Variants in PLA2G4A observed in about 807,000 individuals in gnomAD.
PLA2G4A encodes the protein phospholipase A2 group IVA.
PLA2G4A carries 40 observed loss-of-function variants against 81.9 expected under a neutral mutation model. The observed-to-expected ratio is 0.49, with a 90% CI of 0.38 to 0.64. The LOEUF is 0.64. Among genes scored for constraint, PLA2G4A ranks in the 30% least tolerant of loss-of-function variants. The pLI, the probability that PLA2G4A is intolerant of heterozygous loss-of-function variation, is 0.00. For synonymous variants in PLA2G4A, 302 were observed against 296.9 expected (o/e 1.02, Z -0.18); for missense variants, 715 against 905.1 (o/e 0.79, Z 2.69).
intron 7 of PLA2G4A, among the ~76,000 whole-genome samples, chr1:186,922,757 A>G (rs995064877): frequency 2.6e-5 from 4 of 152,210 alleles, no homozygotes; most frequent in African/African-American, 9.7e-5. Context: ...AGCATCGGCA[A>G]GACTCCTGTC....
chr1:186,892,701 A>G (rs1654188221), intron 3 of PLA2G4A, among the ~76,000 whole-genome samples: 1 of 152,184 alleles, frequency 6.6e-6, no homozygotes, highest in Admixed American at 6.5e-5. Context: ...TGACATTGTT[A>G]TCATCCTGTA....
chr1:186,967,291 A>G (rs57771974), intron 15 of PLA2G4A, among the ~76,000 whole-genome samples: 1 of 150,446 alleles, frequency 6.6e-6, no homozygotes, highest in African/African-American at 2.4e-5. Flanking sequence ...ACAAGTATCA[A>G]TGAGATAAAA....
chr1:186,912,789 T>C (rs1371350199), intron 7 of PLA2G4A, among the ~76,000 whole-genome samples: 1 of 141,520 alleles, frequency 7.1e-6, no homozygotes, highest in Non-Finnish European at 1.5e-5. Context: ...TATACTTATA[T>C]ATATATGTAT....
intron 1 of PLA2G4A, among the ~76,000 whole-genome samples, chr1:186,851,072 C>T (rs1380858518): frequency 6.6e-5 from 10 of 151,958 alleles, no homozygotes; most frequent in Non-Finnish European, 1.3e-4. Context: ...ACATTACAAG[C>T]AAGTAACCTG....
At chr1:186,939,925 CT>C in intron 9 of PLA2G4A, 54 bp from the exon 10 acceptor site, 1 of 834,076 alleles carries the variant, frequency 1.2e-6, no homozygotes, top group East Asian at 2.4e-5. Context: ...GAATAGCATT[CT>C]TTCTGTGTCT....
In PLA2G4A at chr1:186,940,082, C is replaced by T; in HGVS notation, c.1021C>T (p.Leu341=). 6.4e-7 allele frequency: 1 copy of T among 1,571,238 alleles called. No homozygotes were observed. Among genetic ancestry groups the T allele is most frequent in the Non-Finnish European group, 8.8e-7 (1 of 1,141,002 alleles). ...CLHVKPDVSE[L]MFADWVEFSP... ...TCATGTCAAACCTGACGTTTCAGAG[C>T]TGATGTTTGCAGGTATGCTGTTTCC... Residue 341 remains leucine, a synonymous_variant, in exon 10 of 18, where the codon CTG becomes TTG. Coordinates refer to ENST00000367466, the MANE Select transcript of PLA2G4A (RefSeq NM_024420.3).
At chr1:186,830,975 TTTCTTTCTTTC>T (rs1651553641) in intron 1 of PLA2G4A, among the ~76,000 whole-genome samples, 1 of 131,576 alleles carries the variant, frequency 7.6e-6, no homozygotes. Flanking sequence ...TCTTTCTTTC[TTTCTTTCTTTC>T]TTTCTTTCTT....
intron 15 of PLA2G4A, among the ~76,000 whole-genome samples, chr1:186,968,922 G>T (rs547705019): frequency 6.6e-6 from 1 of 150,504 alleles, no homozygotes; most frequent in African/African-American, 2.4e-5. Context: ...TATACAATAT[G>T]ATGGGGATAA....
chr1:186,903,600 C>T (rs1195823990), intron 5 of PLA2G4A, among the ~76,000 whole-genome samples: 14 of 152,132 alleles, frequency 9.2e-5, no homozygotes, highest in Admixed American at 9.2e-4. Context: ...TACATTCTCA[C>T]AGGAGCATGA....
intron 1 of PLA2G4A, among the ~76,000 whole-genome samples, chr1:186,842,692 C>T (rs899447997): frequency 6.6e-6 from 1 of 152,122 alleles, no homozygotes; most frequent in Non-Finnish European, 1.5e-5. Context: ...CATGTGAGGA[C>T]ACAGCGAAAA....
At chr1:186,909,937 A>T (rs759228310) in intron 6 of PLA2G4A, among the ~76,000 whole-genome samples, 1 of 152,152 alleles carries the variant, frequency 6.6e-6, no homozygotes, top group Non-Finnish European at 1.5e-5. Flanking sequence ...ATTGCTTTTT[A>T]ACAAACTTAT....
intron 7 of PLA2G4A, among the ~76,000 whole-genome samples, chr1:186,920,556 A>G (rs9804084): frequency 0.56 from 85,900 of 152,166 alleles, 25,881 homozygotes; most frequent in African/African-American, 0.78. Flanking sequence ...CAGCCAGATT[A>G]AACAAAGCTC....
intron 2 of PLA2G4A, among the ~76,000 whole-genome samples, chr1:186,856,287 TTG>T (rs1652549681): frequency 2.1e-5 from 1 of 47,270 alleles, no homozygotes; most frequent in South Asian, 6.7e-4. Context: ...TTAAGAAATC[TTG>T]TGTGTATATA....
At chr1:186,962,974 A>G (rs1181674550) in intron 14 of PLA2G4A, among the ~76,000 whole-genome samples, 1 of 152,052 alleles carries the variant, frequency 6.6e-6, no homozygotes, top group Non-Finnish European at 1.5e-5. Context: ...AAAATAGACA[A>G]TTTATTTTAC....
chr1:186,830,959 TTTCTTTC>T (rs1651547070), intron 1 of PLA2G4A, among the ~76,000 whole-genome samples: 1 of 30,952 alleles, frequency 3.2e-5, no homozygotes, highest in South Asian at 9.6e-4. Context: ...GCTTGCTTGC[TTTCTTTC>T]TTTCTTTCTT....
At chr1:186,914,567 G>C (rs576657487) in intron 7 of PLA2G4A, among the ~76,000 whole-genome samples, 1 of 151,982 alleles carries the variant, frequency 6.6e-6, no homozygotes, top group East Asian at 1.9e-4. Context: ...GAGCAAGCAG[G>C]GGGTACATGA....
At chr1:186,883,981 A>AT (rs1302925898) in intron 3 of PLA2G4A, among the ~76,000 whole-genome samples, 1 of 152,112 alleles carries the variant, frequency 6.6e-6, no homozygotes, top group Non-Finnish European at 1.5e-5. Flanking sequence ...AATTTTGTTC[A>AT]TTTTTTTAAG....
intron 12 of PLA2G4A, among the ~76,000 whole-genome samples, chr1:186,948,368 T>C (rs1656413902): frequency 6.6e-6 from 1 of 152,176 alleles, no homozygotes; most frequent in Admixed American, 6.6e-5. Flanking sequence ...GGGCACATTC[T>C]CCTAAGAGTA....
At chr1:186,866,752 G>C (rs998302855) in intron 2 of PLA2G4A, among the ~76,000 whole-genome samples, 1 of 152,072 alleles carries the variant, frequency 6.6e-6, no homozygotes. Context: ...ATGCAAAAAA[G>C]CATAGATGAT....
Sources: gnomAD v4.1 joint callset for allele counts (sites outside exome capture counted in the v4.1 genomes callset) on GRCh38, gnomAD v4.1.1 for gene constraint, MANE v1.5 for transcripts, NCBI Gene and HGNC (gene_info 2026-07-23, HGNC 2026-07-21) for gene names.